Variants in PAX3 observed in about 807,000 individuals in gnomAD.
PAX3 encodes the protein paired box protein Pax-3.
Under a neutral mutation model 51.6 loss-of-function variants are expected in PAX3, and 14 were observed. That is an observed-to-expected ratio of 0.27 (90% CI 0.18 to 0.42). The LOEUF is 0.42. Ranked by LOEUF, PAX3 falls within the 10% of genes least tolerant of loss-of-function variation. PAX3 has a pLI of 1.00. For synonymous variants in PAX3, 280 were observed against 253.4 expected, an observed-to-expected ratio of 1.11 and a Z score of -1.00; for missense variants, 540 against 642.8, an observed-to-expected ratio of 0.84 and a Z score of 1.73.
At chr2:222,274,776 C>T (rs1043645849) in intron 4 of PAX3, among the ~76,000 whole-genome samples, 36 of 152,140 alleles carry the variant, frequency 2.4e-4, no homozygotes, top group Non-Finnish European at 1.5e-4. Flanking sequence ...CTCACCACCC[C>T]AAGCTTGGCA....
At chr2:222,227,371 G>A (rs1476117085) in intron 5 of PAX3, among the ~76,000 whole-genome samples, 1 of 152,116 alleles carries the variant, frequency 6.6e-6, no homozygotes, top group African/African-American at 2.4e-5. Context: ...AAAAATAGGA[G>A]GATTACTTGA....
chr2:222,255,149 G>A (rs1693592025), intron 4 of PAX3, among the ~76,000 whole-genome samples: 1 of 152,176 alleles, frequency 6.6e-6, no homozygotes, highest in Non-Finnish European at 1.5e-5. Context: ...CTGAGATTTT[G>A]TTCTGTTCAG....
chr2:222,293,310 A>G (rs1695114227), intron 4 of PAX3, among the ~76,000 whole-genome samples: 1 of 151,966 alleles, frequency 6.6e-6, no homozygotes, highest in African/African-American at 2.4e-5. Flanking sequence ...TGCTGCAATG[A>G]TCCTTTCCTG....
In PAX3 at chr2:222,201,120, T is replaced by A. The variant is rs1574617582; in HGVS notation, c.*288A>T. 6.3e-7 allele frequency: 1 copy of A among 1,584,004 alleles called. No homozygotes were observed. Reference sequence around the variant, plus strand: ...GATGATCAGCACTAAAGAATTGGGATGTTTTGATATGTAACCATGTGAAAC... The same window carrying A: ...GATGATCAGCACTAAAGAATTGGGAAGTTTTGATATGTAACCATGTGAAAC... On this transcript the variant is annotated 3_prime_UTR_variant, in exon 9 of 9. Transcript: ENST00000392070.
intron 4 of PAX3, among the ~76,000 whole-genome samples, chr2:222,239,604 A>G (rs985911191): frequency 6.6e-5 from 10 of 152,316 alleles, no homozygotes; most frequent in African/African-American, 2.4e-4. Flanking sequence ...CAAGCCATAC[A>G]TTGAACTTTC....
chr2:222,225,674 C>G (rs188309015), intron 5 of PAX3, among the ~76,000 whole-genome samples: 8 of 152,266 alleles, frequency 5.3e-5, no homozygotes, highest in Admixed American at 5.2e-4. Flanking sequence ...TTCCCATGTG[C>G]TAAACGGGGA....
Position 222,276,665 on chromosome 2 carries a change from C to G in PAX3, c.586+17502G>C, listed in dbSNP as rs376214859. ...TCCAGAAACGGAAAGCAACCAGGTC[C>G]CAGTAATAGTTTCAGAGACCTACAA... On this transcript the variant is annotated intron_variant, in intron 4 of 8. Coordinates refer to ENST00000392070, the MANE Select transcript of PAX3 (RefSeq NM_181458.4). Among the ~76,000 whole-genome samples, 9 of 152,248 alleles carry G rather than the reference C, an allele frequency of 5.9e-5. No individual in the cohort carries two copies. In the South Asian group the frequency reaches 1.2e-3, roughly 21 times the overall value.
At chr2:222,263,690 C>T (rs1693945051) in intron 4 of PAX3, 1 of 152,140 alleles carries the variant, frequency 6.6e-6, no homozygotes, top group Admixed American at 6.5e-5. Context: ...CAATTCTATT[C>T]ATAATGACCA....
At chr2:222,203,600 G>A (rs45451202) in intron 7 of PAX3, among the ~76,000 whole-genome samples, 1,562 of 152,178 alleles carry the variant, frequency 0.01, 24 homozygotes, top group African/African-American at 0.036. Context: ...ATAGAACCTC[G>A]GATCTAGGAG....
intron 4 of PAX3, among the ~76,000 whole-genome samples, chr2:222,250,227 A>G (rs1312219933): frequency 6.6e-6 from 1 of 152,186 alleles, no homozygotes; most frequent in Non-Finnish European, 1.5e-5. Flanking sequence ...AAATTCTATT[A>G]TGAATGTATC....
rs193198553 is a variant in PAX3, at chr2:222,221,767, G to T, written c.793-380C>A. On this transcript the variant is annotated intron_variant, in intron 5 of 8. Coordinates refer to ENST00000392070, the MANE Select transcript of PAX3 (RefSeq NM_181458.4). The stretch of plus-strand genomic sequence containing the variant: ...TGAGCCTCTGTGACCCCTGCATGAC[G>T]CATGTCCTAAATGTGGCCTTGCCTT... 5 of 254,094 alleles carry T rather than the reference G, an allele frequency of 2.0e-5. No individual in the cohort carries two copies. The South Asian group carries it at 2.6e-4, about 13-fold the overall frequency. 15.7% of individuals were successfully genotyped at this position (254,094 alleles called of 1,614,324 possible).
intron 4 of PAX3, among the ~76,000 whole-genome samples, chr2:222,291,164 C>G (rs1250848204): frequency 1.3e-5 from 2 of 152,154 alleles, no homozygotes; most frequent in Non-Finnish European, 2.9e-5. Flanking sequence ...GGAACAGAGG[C>G]GCCCATTGAG....
chr2:222,290,251 C>A (rs377331051), intron 4 of PAX3, among the ~76,000 whole-genome samples: 3 of 152,176 alleles, frequency 2.0e-5, no homozygotes, highest in Non-Finnish European at 2.9e-5. Flanking sequence ...CTACCTCCCC[C>A]CCAAAAAGCT....
chr2:222,221,127 G>A, intron 6 of PAX3, 95 bp downstream of exon 6: 2 of 1,126,674 alleles, frequency 1.8e-6, no homozygotes, highest in Non-Finnish European at 2.7e-6. Flanking sequence ...TAACAACATG[G>A]TGTCAGTACT....
At position 222,235,276 on chromosome 2, in the gene PAX3, C is replaced by T. The variant is rs556483557; in HGVS notation, c.587-2993G>A. Among the ~76,000 whole-genome samples the T allele has an allele frequency of 6.6e-5, 10 of 152,330 alleles. No individual in the cohort carries two copies. In the South Asian group the frequency reaches 2.1e-3, roughly 32 times the overall value. On this transcript the variant is annotated intron_variant, in intron 4 of 8. Coordinates refer to ENST00000392070, the MANE Select transcript of PAX3 (RefSeq NM_181458.4). ...TAAACTGGGTGAGCTCAAAGCCCTT[C>T]TCTGCCTTGTTCACTGCTGGAACCC...
In PAX3 at chr2:222,232,299, A is replaced by T; in HGVS notation, c.587-16T>A. ...GGTGCTGAGGCTAAAAGCACAGAAG[A>T]ACAAAACATCATAAAATGTGAATCA... On this transcript the variant is annotated splice_polypyrimidine_tract_variant and intron_variant, in intron 4 of 8. Coordinates refer to ENST00000392070, the MANE Select transcript of PAX3 (RefSeq NM_181458.4). 4 of 1,605,510 alleles carry T rather than the reference A, an allele frequency of 2.5e-6. No homozygotes were observed. Among genetic ancestry groups the T allele is most frequent in the Non-Finnish European group, 3.4e-6 (4 of 1,172,384 alleles).
intron 4 of PAX3, among the ~76,000 whole-genome samples, chr2:222,260,680 TC>T (rs1693830651): frequency 7.4e-6 from 1 of 135,580 alleles, no homozygotes; most frequent in Admixed American, 8.2e-5. Flanking sequence ...CAACCTCCAC[TC>T]CCCAGGTTCA....
At chr2:222,213,593 C>T (rs1691835603) in intron 7 of PAX3, among the ~76,000 whole-genome samples, 1 of 152,136 alleles carries the variant, frequency 6.6e-6, no homozygotes, top group Non-Finnish European at 1.5e-5. Flanking sequence ...GAGGCTGCCA[C>T]TTTTGTAAAA....
intron 5 of PAX3, among the ~76,000 whole-genome samples, chr2:222,231,230 A>G (rs1467552061): frequency 6.6e-6 from 1 of 152,228 alleles, no homozygotes; most frequent in Non-Finnish European, 1.5e-5. Context: ...CTGCAAATTA[A>G]GAATCTGGAA....
Sources: allele counts gnomAD v4.1 joint callset (sites outside exome capture counted in the v4.1 genomes callset), GRCh38; gene constraint gnomAD v4.1.1; transcripts MANE v1.5; gene names NCBI Gene and HGNC (gene_info 2026-07-23, HGNC 2026-07-21).